Variants in BCAT1 observed in about 807,000 individuals in gnomAD.
BCAT1 encodes the protein branched chain amino acid transaminase 1, also known as branched-chain-amino-acid aminotransferase, cytosolic.
BCAT1 carries 48 observed loss-of-function variants against 52.4 expected under a neutral mutation model. That is an observed-to-expected ratio of 0.92 (90% CI 0.73 to 1.16). The LOEUF is 1.16. Among genes scored for constraint, BCAT1 ranks in the 50% most tolerant of loss-of-function variants. BCAT1 has a pLI of 0.00. For missense variants in BCAT1, 451 were observed against 457.1 expected, an observed-to-expected ratio of 0.99 and a Z score of 0.12; for synonymous variants, 167 against 161.3, an observed-to-expected ratio of 1.04 and a Z score of -0.27.
intron 3 of BCAT1, among the ~76,000 whole-genome samples, chr12:24,890,681 A>G (rs1187180250): frequency 1.3e-5 from 2 of 152,200 alleles, no homozygotes; most frequent in Non-Finnish European, 2.9e-5. Flanking sequence ...AGTTCCAGGA[A>G]TTGCCCATCC....
intron 10 of BCAT1, among the ~76,000 whole-genome samples, chr12:24,825,463 GTT>G (rs71448089): frequency 3.1e-3 from 450 of 147,488 alleles, no homozygotes; most frequent in African/African-American, 7.1e-3. Context: ...GTTATTGCCT[GTT>G]TTTTTTTTTT....
intron 7 of BCAT1, among the ~76,000 whole-genome samples, chr12:24,837,949 T>C (rs1380745015): frequency 6.6e-6 from 1 of 152,206 alleles, no homozygotes; most frequent in African/African-American, 2.4e-5. Context: ...TGAGGTCTAG[T>C]AGGACAATTG....
intron 5 of BCAT1, among the ~76,000 whole-genome samples, chr12:24,874,661 T>C (rs1335911603): frequency 6.6e-6 from 1 of 152,234 alleles, no homozygotes; most frequent in Non-Finnish European, 1.5e-5. Context: ...TTTGGGATGG[T>C]GAGTCCTTTA....
intron 8 of BCAT1, chr12:24,834,451 T>G (rs1940833840): frequency 1.0e-6 from 1 of 984,266 alleles, no homozygotes; most frequent in Admixed American, 6.1e-5. Context: ...GTTTAATTCT[T>G]GTTCTTTTAC....
chr12:24,873,696 C>A (rs988777316), intron 5 of BCAT1, among the ~76,000 whole-genome samples: 7 of 151,996 alleles, frequency 4.6e-5, no homozygotes, highest in African/African-American at 1.7e-4. Flanking sequence ...ATTCAGCATC[C>A]CTAATCTGAA....
chr12:24,836,397 A>C, intron 8 of BCAT1, 114 bp downstream of exon 8: 1 of 861,332 alleles, frequency 1.2e-6, no homozygotes, highest in Non-Finnish European at 1.8e-6. Context: ...TAGAATTTAA[A>C]GATTAGATAA....
intron 1 of BCAT1, among the ~76,000 whole-genome samples, chr12:24,936,833 GACGCT>G (rs1014226753): frequency 9.3e-5 from 14 of 151,298 alleles, no homozygotes; most frequent in Non-Finnish European, 1.3e-4. Context: ...CTCTTATAAA[GACGCT>G]ACTGATTATA....
In BCAT1 at chr12:24,949,043, C is replaced by T. The variant is rs369832139; in HGVS notation, c.-111G>A. 84 of 1,171,322 alleles carry T rather than the reference C, an allele frequency of 7.2e-5. No homozygotes were observed. The African/African-American group carries it at 1.2e-3, about 16-fold the overall frequency. 72.6% of individuals were successfully genotyped at this position (1,171,322 alleles called of 1,614,324 possible). A position where few individuals can be genotyped will look rare whatever the true frequency, so the allele number is the denominator to read the frequency against. ...CGGCTGCAGAGCGCGGTCCCGGCTG[C>T]AGCAAGACCTGGGGCAGTGCCCGAG... On this transcript the variant is annotated 5_prime_UTR_variant, in exon 1 of 11. Coordinates refer to ENST00000261192, the MANE Select transcript of BCAT1 (RefSeq NM_005504.7).
chr12:24,914,734 T>C (rs1943381395), intron 1 of BCAT1, among the ~76,000 whole-genome samples: 2 of 152,378 alleles, frequency 1.3e-5, no homozygotes, highest in South Asian at 4.1e-4. Context: ...ACTGCTCATA[T>C]ATTAAGTTGC....
chr12:24,887,080 A>AAAAAAAAAAAAAAAAAAAAAT (rs1245203518), intron 3 of BCAT1, among the ~76,000 whole-genome samples: 1 of 40,748 alleles, frequency 2.5e-5, no homozygotes, highest in African/African-American at 7.7e-5. Context: ...AAAAAAAAAA[A>AAAAAAAAAAAAAAAAAAAAAT]ATATATATAT....
chr12:24,925,913 G>A (rs1007852897), intron 1 of BCAT1, among the ~76,000 whole-genome samples: 8 of 152,220 alleles, frequency 5.3e-5, no homozygotes, highest in African/African-American at 1.9e-4. Context: ...CCAAGCTGGA[G>A]TGTAGTGGCG....
At chr12:24,866,244 G>A (rs948952870) in intron 5 of BCAT1, among the ~76,000 whole-genome samples, 6 of 152,202 alleles carry the variant, frequency 3.9e-5, no homozygotes, top group Admixed American at 6.5e-5. Context: ...AGGGTGCACC[G>A]GGTCCCCCAG....
chr12:24,924,972 T>G (rs1256528062), intron 1 of BCAT1, among the ~76,000 whole-genome samples: 1 of 152,224 alleles, frequency 6.6e-6, no homozygotes. Flanking sequence ...AATGACGGAT[T>G]CAAAAACAGT....
At position 24,817,772 on chromosome 12, in the gene BCAT1, A is replaced by G. The variant is rs1939935448; in HGVS notation, c.*236T>C. 1 of 511,978 alleles carries G rather than the reference A, an allele frequency of 2.0e-6. No individual in the cohort carries two copies. Among genetic ancestry groups the G allele is most frequent in the Non-Finnish European group, 3.5e-6 (1 of 286,504 alleles). 31.7% of individuals were successfully genotyped at this position (511,978 alleles called of 1,614,324 possible). A position where few individuals can be genotyped will look rare whatever the true frequency, so the allele number is the denominator to read the frequency against. On this transcript the variant is annotated 3_prime_UTR_variant, in exon 11 of 11. Coordinates refer to ENST00000261192, the MANE Select transcript of BCAT1 (RefSeq NM_005504.7). ...ATCCCATGTTATATGGCTTACATTA[A>G]TGTTTTTCTAGGTAAGGTAAGGTAA...
At chr12:24,840,730 AT>A (rs1365793267) in intron 7 of BCAT1, among the ~76,000 whole-genome samples, 1 of 152,066 alleles carries the variant, frequency 6.6e-6, no homozygotes, top group Non-Finnish European at 1.5e-5. Context: ...CTAAATTACC[AT>A]TTTCCTCTTT....
chr12:24,894,832 C>T (rs148578719), intron 2 of BCAT1, among the ~76,000 whole-genome samples: 117 of 152,210 alleles, frequency 7.7e-4, no homozygotes, highest in African/African-American at 2.8e-3. Context: ...AGATGTTTTC[C>T]CTAATAAAAA....
intron 1 of BCAT1, among the ~76,000 whole-genome samples, chr12:24,917,026 CTT>C (rs1039606984): frequency 2.0e-5 from 3 of 151,976 alleles, no homozygotes; most frequent in African/African-American, 7.3e-5. Flanking sequence ...AAAATATTTT[CTT>C]GAGTCTGGAA....
intron 6 of BCAT1, among the ~76,000 whole-genome samples, chr12:24,847,434 A>C (rs1248857032): frequency 6.6e-6 from 1 of 152,190 alleles, no homozygotes; most frequent in Non-Finnish European, 1.5e-5. Context: ...ATGGGTTTGG[A>C]CAAATCTATA....
intron 1 of BCAT1, among the ~76,000 whole-genome samples, chr12:24,931,004 G>C (rs1032175743): frequency 2.7e-5 from 4 of 150,486 alleles, no homozygotes; most frequent in African/African-American, 9.8e-5. Context: ...CCAGGTTCTG[G>C]TGATTCTCCT....
Sources: gnomAD v4.1 joint callset for allele counts (sites outside exome capture counted in the v4.1 genomes callset) on GRCh38, gnomAD v4.1.1 for gene constraint, MANE v1.5 for transcripts, NCBI Gene and HGNC (gene_info 2026-07-23, HGNC 2026-07-21) for gene names.